LRRC37B: variants seen among roughly 807,000 people sequenced by gnomAD.
LRRC37B encodes leucine-rich repeat-containing protein 37B.
In LRRC37B, 28 loss-of-function variants were observed where a neutral mutation model predicts 98.3. The observed-to-expected ratio is 0.28, with a 90% CI of 0.21 to 0.39. LRRC37B has a LOEUF of 0.39. Ranked by LOEUF, LRRC37B falls within the 10% of genes least tolerant of loss-of-function variation. LRRC37B has a pLI of 1.00. For missense variants in LRRC37B, 938 were observed against 1,182.7 expected, an observed-to-expected ratio of 0.79 and a Z score of 3.03; for synonymous variants, 364 against 442.7, an observed-to-expected ratio of 0.82 and a Z score of 2.23.
At chr17:32,023,029 C>A (rs530517563) in intron 1 of LRRC37B, among the ~76,000 whole-genome samples, 1 of 152,180 alleles carries the variant, frequency 6.6e-6, no homozygotes, top group African/African-American at 2.4e-5. Context: ...TTTCTCCAGT[C>A]TTTTACTCTT....
At chr17:32,008,153 C>G (rs947082818) in intron 1 of LRRC37B, 21 bp downstream of exon 1, 5 of 303,766 alleles carry the variant, frequency 1.6e-5, no homozygotes, top group Non-Finnish European at 3.3e-5. Flanking sequence ...AGCGCAGTTG[C>G]TGCAGACTCA....
exon 8 of LRRC37B, chr17:32,045,736 A>G (rs1380203011): frequency 1.2e-6 from 2 of 1,603,646 alleles, no homozygotes; most frequent in Admixed American, 1.7e-5. Flanking sequence ...GCCTCTGCCA[A>G]TTTAAAAATA....
chr17:32,028,980 CATTTATTT>C (rs745310235), intron 3 of LRRC37B: 1 of 151,964 alleles, frequency 6.6e-6, no homozygotes, highest in African/African-American at 2.4e-5. Flanking sequence ...CCCAGCTATT[CATTTATTT>C]ATTTATTTAT....
At chr17:32,038,687 A>C (rs1006832727) in intron 7 of LRRC37B, among the ~76,000 whole-genome samples, 1 of 151,928 alleles carries the variant, frequency 6.6e-6, no homozygotes, top group African/African-American at 2.4e-5. Context: ...CAAAACCCCA[A>C]TCTCCACTAA....
chr17:32,007,948 C>G (rs780360331), upstream of LRRC37B: 3 of 566,800 alleles, frequency 5.3e-6, no homozygotes, highest in Non-Finnish European at 5.5e-6. The surrounding 1 kb of genome is among the most constrained non-coding windows in gnomAD (Gnocchi z 4.1). Flanking sequence ...TGTATGATGA[C>G]TACGAGAGCG....
intron 9 of LRRC37B, among the ~76,000 whole-genome samples, chr17:32,048,585 G>C (rs1444098254): frequency 6.6e-6 from 1 of 152,034 alleles, no homozygotes; most frequent in Non-Finnish European, 1.5e-5. Context: ...GCAATGGCTA[G>C]AGTGAAAAAC....
chr17:32,033,762 C>T (rs1911170600), intron 5 of LRRC37B, among the ~76,000 whole-genome samples: 1 of 152,096 alleles, frequency 6.6e-6, no homozygotes, highest in Non-Finnish European at 1.5e-5. Context: ...TGTTTCTTTT[C>T]TTTTTCTTGT....
rs369068080 is a variant in LRRC37B at position 32,015,317 on chromosome 17, C to G, written c.-190-2655C>G. Among the ~76,000 whole-genome samples, 165 of 152,320 alleles carry G rather than the reference C, an allele frequency of 1.1e-3. 1 individual carries two copies. Among genetic ancestry groups the G allele is most frequent in the Non-Finnish European group, 2.1e-3 (140 of 68,032 alleles). The stretch of plus-strand genomic sequence containing the variant: ...CTTGTAACATTTGACAAGTAAGTTT[C>G]ATAATTTTTAAAAGATTTCAATGCA... On this transcript the variant is annotated intron_variant, in intron 1 of 14. Transcript: ENST00000543378.
chr17:32,046,308 A>G (rs528037808), intron 8 of LRRC37B, among the ~76,000 whole-genome samples: 1 of 152,376 alleles, frequency 6.6e-6, no homozygotes, highest in Non-Finnish European at 1.5e-5. Context: ...TTCTGGTTCC[A>G]TAACCAGAAA....
upstream of LRRC37B, chr17:32,007,916 C>A: frequency 1.5e-6 from 1 of 688,494 alleles, no homozygotes; most frequent in Non-Finnish European, 2.0e-6. This position sits in a 1 kb window ranked among gnomAD's most constrained non-coding sequence, Gnocchi z 4.1. Context: ...CACCGCAGCC[C>A]GGAGGGCTGT....
At chr17:32,038,682 C>T (rs1405483630) in intron 7 of LRRC37B, among the ~76,000 whole-genome samples, 1 of 152,054 alleles carries the variant, frequency 6.6e-6, no homozygotes, top group Non-Finnish European at 1.5e-5. Context: ...CGTGGCAAAA[C>T]CCCAATCTCC....
intron 7 of LRRC37B, chr17:32,042,924 T>C (rs1394023462): frequency 2.0e-5 from 3 of 151,910 alleles, no homozygotes; most frequent in African/African-American, 7.3e-5. Context: ...ATTGGGACAA[T>C]TGTGAAAATG....
intron 1 of LRRC37B, among the ~76,000 whole-genome samples, chr17:32,013,400 A>C (rs948901306): frequency 6.6e-5 from 10 of 152,166 alleles, no homozygotes; most frequent in African/African-American, 2.4e-4. Context: ...TGGACCATTT[A>C]CATTTAATAC....
intron 2 of LRRC37B, among the ~76,000 whole-genome samples, chr17:32,027,305 G>T (rs1910982620): frequency 6.6e-6 from 1 of 152,148 alleles, no homozygotes; most frequent in South Asian, 2.1e-4. Context: ...TGGGAAGAGT[G>T]GAGCAGTGTG....
At chr17:32,027,431 CTGTGTGTGTGTGCTTGCCTG>C (rs367551982) in intron 2 of LRRC37B, among the ~76,000 whole-genome samples, 7,190 of 105,548 alleles carry the variant, frequency 0.068, 564 homozygotes, top group African/African-American at 0.22. Context: ...GCGTGCTTGC[CTGTGTGTGTGTGCTTGCCTG>C]TGTGTGTGTG....
In LRRC37B at chr17:32,040,847, C is replaced by G; in HGVS notation, c.2205-4853C>G. 3.7e-6 allele frequency: 3 copies of G among 813,730 alleles called. 1 individual carries two copies. The South Asian group carries it at 4.1e-5, about 11-fold the overall frequency. The allele number at this position is 813,730 out of a possible 1,614,324, so 50.4% of individuals were successfully genotyped here. A position where few individuals can be genotyped will look rare whatever the true frequency, so the allele number is the denominator to read the frequency against. On this transcript the variant is annotated intron_variant, in intron 7 of 11. Transcript: ENST00000327564. ...TAGAGGTCAAGCAGAACTTCATTGA[C>G]CTCCTCCAGAACCTGTGTGAGAAAG...
chr17:32,018,613 C>T (rs1174267537), upstream of LRRC37B, among the ~76,000 whole-genome samples: 2 of 152,092 alleles, frequency 1.3e-5, no homozygotes, highest in Non-Finnish European at 2.9e-5. Context: ...GTAAGGGATG[C>T]TGGGCTGCTT....
At chr17:32,049,568 G>A (rs2142263396) in intron 10 of LRRC37B, among the ~76,000 whole-genome samples, 174 bp downstream of exon 13, 1 of 152,170 alleles carries the variant, frequency 6.6e-6, no homozygotes, top group Middle Eastern at 3.4e-3. Flanking sequence ...ATAGATTAGG[G>A]CACAAGATGA....
chr17:32,014,398 G>A (rs1427679511), intron 1 of LRRC37B, among the ~76,000 whole-genome samples: 1 of 151,994 alleles, frequency 6.6e-6, no homozygotes, highest in Non-Finnish European at 1.5e-5. Flanking sequence ...TCTATATCCA[G>A]CAAAAATACC....
Sources: allele counts gnomAD v4.1 joint callset (sites outside exome capture counted in the v4.1 genomes callset), GRCh38; gene constraint gnomAD v4.1.1; non-coding constraint Gnocchi (gnomAD v3.1); transcripts MANE v1.5; gene names NCBI Gene and HGNC (gene_info 2026-07-23, HGNC 2026-07-21).